PCDHGB1: variants seen among roughly 807,000 people sequenced by gnomAD.
PCDHGB1 encodes the protein protocadherin gamma subfamily B, 1, also known as protocadherin gamma-B1.
Under a neutral mutation model 56.6 loss-of-function variants are expected in PCDHGB1, and 34 were observed. The ratio of observed to expected loss-of-function variants is 0.60; its 90% CI spans 0.46 to 0.80. PCDHGB1 has a LOEUF of 0.80. Among genes scored for constraint, PCDHGB1 ranks in the 30% least tolerant of loss-of-function variants. PCDHGB1 has a pLI of 0.00. For synonymous variants in PCDHGB1, 561 were observed against 505.9 expected (o/e 1.11, Z -1.46); for missense variants, 1,278 against 1,204.6 (o/e 1.06, Z -0.90).
Position 141,355,906 on chromosome 5 carries a change from A to G in PCDHGB1, c.2409+3237A>G. ...GATTCTCATAATACTTGTGGATACC[A>G]ACGATAATGCTCCCGTGTTCACTCA... On this transcript the variant is annotated intron_variant, in intron 1 of 3. Coordinates refer to ENST00000523390, the MANE Select transcript of PCDHGB1 (RefSeq NM_018922.3). The G allele has an allele frequency of 4.3e-6, 7 of 1,613,782 alleles. No individual in the cohort carries two copies. The highest frequency in any genetic ancestry group is 5.9e-6 in the Non-Finnish European group (7 of 1,179,850).
At chr5:141,419,394 G>A (rs778450240) in intron 1 of PCDHGB1, 2 of 1,613,612 alleles carry the variant, frequency 1.2e-6, no homozygotes, top group East Asian at 2.2e-5. Flanking sequence ...GCGCAGAGCG[G>A]GGTGGTGTTC....
At chr5:141,362,446 A>T in intron 1 of PCDHGB1, 1 of 1,613,980 alleles carries the variant, frequency 6.2e-7, no homozygotes, top group Non-Finnish European at 8.5e-7. Flanking sequence ...TCTGAACATA[A>T]CCCCGGAATT....
intron 1 of PCDHGB1, chr5:141,415,157 C>G: frequency 6.2e-7 from 1 of 1,613,864 alleles, no homozygotes. Context: ...CTCTCCGCCA[C>G]TGTCACGCTC....
At chr5:141,370,613 A>G (rs753080361) in intron 1 of PCDHGB1, 6 of 1,613,908 alleles carry the variant, frequency 3.7e-6, no homozygotes, top group Non-Finnish European at 5.1e-6. Context: ...CAGAGAAGAA[A>G]TTCTTTACCG....
chr5:141,399,773 G>A (rs750173338), intron 1 of PCDHGB1: 3 of 1,613,302 alleles, frequency 1.9e-6, no homozygotes, highest in Admixed American at 1.7e-5. Flanking sequence ...GTGTTGGTGG[G>A]CGACCGAAAC....
chr5:141,489,151 AAG>A lies in PCDHGB1; in HGVS notation c.2410-5652_2410-5651del. ...TTTTTAAGAGGCTGGAAGGAGACAT[AAG>A]AGACTTCAGCTGCTGCATTCCAAGC... On this transcript the variant is annotated intron_variant, in intron 1 of 3. Coordinates refer to ENST00000523390, the MANE Select transcript of PCDHGB1 (RefSeq NM_018922.3). The surrounding 1 kb of genome is among the most constrained non-coding windows in gnomAD (Gnocchi z 4.5). The A allele has an allele frequency of 1.1e-6, 1 of 932,970 alleles. No homozygotes were observed. The highest frequency in any genetic ancestry group is 1.6e-6 in the Non-Finnish European group (1 of 622,054). 57.8% of individuals were successfully genotyped at this position (932,970 alleles called of 1,614,324 possible).
chr5:141,425,587 T>G (rs2096884432), intron 1 of PCDHGB1, among the ~76,000 whole-genome samples: 2 of 152,226 alleles, frequency 1.3e-5, no homozygotes. Flanking sequence ...CTAACTTTAT[T>G]CTGAATATGC....
intron 2 of PCDHGB1, among the ~76,000 whole-genome samples, chr5:141,501,536 G>A (rs570102957): frequency 5.9e-5 from 9 of 152,054 alleles, no homozygotes; most frequent in African/African-American, 2.2e-4. Context: ...GTACGTTGTT[G>A]TGCATAAGAT....
chr5:141,365,408 T>C, intron 1 of PCDHGB1: 1 of 1,614,004 alleles, frequency 6.2e-7, no homozygotes, highest in Non-Finnish European at 8.5e-7. Flanking sequence ...CTCTGAAGAC[T>C]GTCTTCCCGG....
rs749415234 is a variant in PCDHGB1 at position 141,419,462 on chromosome 5, C to G, written c.2409+66793C>G. 9 of 1,612,582 alleles carry G rather than the reference C, an allele frequency of 5.6e-6. 1 individual carries two copies. The highest frequency in any genetic ancestry group is 1.7e-5 in the Admixed American group (1 of 59,984). On this transcript the variant is annotated intron_variant, in intron 1 of 3. Transcript: ENST00000523390. ...CACCTTCGAGCTCACGCTGCAGGCC[C>G]GCGACCAGGGCTCGCCCGCGCTCAG... is the stretch of plus-strand genomic sequence containing the variant.
At chr5:141,364,314 T>C in intron 1 of PCDHGB1, 1 of 1,523,586 alleles carries the variant, frequency 6.6e-7, no homozygotes, top group Non-Finnish European at 8.8e-7. Context: ...AAGAGAAAAT[T>C]GGGCAGAGAG....
At chr5:141,448,710 G>T (rs897054829) in intron 1 of PCDHGB1, among the ~76,000 whole-genome samples, 1 of 152,162 alleles carries the variant, frequency 6.6e-6, no homozygotes, top group Non-Finnish European at 1.5e-5. Flanking sequence ...GGAGGCCGAG[G>T]CGGGAGGATC....
At position 141,485,731 on chromosome 5, in the gene PCDHGB1, C is replaced by G; in HGVS notation, c.2410-9076C>G. 6.2e-7 allele frequency: 1 copy of G among 1,614,152 alleles called. No homozygotes were observed. Among genetic ancestry groups the G allele is most frequent in the Non-Finnish European group, 8.5e-7 (1 of 1,180,022 alleles). ...TTGCACTGGATGTGAAGAAGCGCAG[C>G]GACGGCAGCCTGGTCCCAGAGCTGC... On this transcript the variant is annotated intron_variant, in intron 1 of 3. Transcript: ENST00000523390. The surrounding 1 kb of genome is among the most constrained non-coding windows in gnomAD (Gnocchi z 5.7).
chr5:141,378,227 A>G (rs1774726852), intron 1 of PCDHGB1: 1 of 152,200 alleles, frequency 6.6e-6, no homozygotes, highest in Non-Finnish European at 1.5e-5. Flanking sequence ...GCCTGATAGT[A>G]TTTAAGAGTG....
At position 141,476,161 on chromosome 5, in the gene PCDHGB1, G is replaced by A. The variant is rs748660112; in HGVS notation, c.2410-18646G>A. 21 of 1,613,012 alleles carry A rather than the reference G, an allele frequency of 1.3e-5. No homozygotes were observed. Among genetic ancestry groups the A allele is most frequent in the Non-Finnish European group, 1.8e-5 (21 of 1,179,922 alleles). On this transcript the variant is annotated intron_variant, in intron 1 of 3. Transcript: ENST00000523390. The surrounding 1 kb of genome is among the most constrained non-coding windows in gnomAD (Gnocchi z 7.6). ...GGAGCGGACTGGTAAGCACCGGGAG[G>A]GTAGTGGGAGTTTTGCTTCTGCTTG... is the stretch of plus-strand genomic sequence containing the variant.
In PCDHGB1 at chr5:141,352,555, C is replaced by T. The variant is rs1448531840; in HGVS notation, c.2295C>T (p.Asn765=). The change falls in exon 1 of 4, where the codon AAC becomes AAT. Residue 765 remains asparagine (N), a synonymous_variant. Transcript: ENST00000523390. ...CAAAGACAGAGTTTAATTCTCTCAA[C>T]CTGACACCGGAAATGGCTCCCCCTC... ...HSAKTEFNSL[N]LTPEMAPPQD... is the part of the protein sequence containing the mutation. 1 of 1,613,890 alleles carries T rather than the reference C, an allele frequency of 6.2e-7. No homozygotes were observed. The highest frequency in any genetic ancestry group is 8.5e-7 in the Non-Finnish European group (1 of 1,179,902).
chr5:141,427,192 A>G (rs1191677237), intron 1 of PCDHGB1: 2 of 456,566 alleles, frequency 4.4e-6, no homozygotes, highest in African/African-American at 4.0e-5. Flanking sequence ...AAATCCAAAG[A>G]CTTAATAGAC....
intron 1 of PCDHGB1, chr5:141,390,918 T>G (rs997224874): frequency 5.2e-5 from 8 of 152,550 alleles, no homozygotes; most frequent in Non-Finnish European, 1.2e-4. Flanking sequence ...GAAAAAGGTC[T>G]ACTATGCTCA....
intron 1 of PCDHGB1, chr5:141,478,182 AT>A: frequency 6.2e-7 from 1 of 1,613,984 alleles, no homozygotes. Context: ...CAGAAAAAAA[AT>A]CTCACCTTTT....
Sources: gnomAD v4.1 joint callset for allele counts (sites outside exome capture counted in the v4.1 genomes callset) on GRCh38, gnomAD v4.1.1 for gene constraint, Gnocchi (gnomAD v3.1) non-coding constraint, MANE v1.5 for transcripts, NCBI Gene and HGNC (gene_info 2026-07-23, HGNC 2026-07-21) for gene names.